The following FARP2 variants were observed in gnomAD, a reference collection of about 807,000 sequenced individuals.
FARP2 encodes the protein FERM, ARHGEF and pleckstrin domain-containing protein 2.
A neutral mutation model predicts 130.5 loss-of-function variants in FARP2; 111 were observed. The ratio of observed to expected loss-of-function variants is 0.85; its 90% CI spans 0.73 to 1.00. The LOEUF is 1.00. Ranked by LOEUF, FARP2 falls within the 50% of genes least tolerant of loss-of-function variation. The pLI is 0.00. For synonymous variants in FARP2, 504 were observed against 516.9 expected (o/e 0.98, Z 0.34); for missense variants, 1,385 against 1,346.3 (o/e 1.03, Z -0.45).
Position 241,403,932 on chromosome 2 carries a change from G to T in FARP2, c.288G>T (p.Trp96Cys), listed in dbSNP as rs751321156. Residue 96 changes from tryptophan to cysteine, a missense_variant and splice_region_variant, in exon 3 of 27, where the codon TGG becomes TGT. Transcript: ENST00000264042. ...GMEFQNTQSY[W>C]IWLEPMKPII... ...AGTTTCAAAATACTCAGTCCTACTG[G>T]GTAAGTGCTTATGACGTGCCCAGGC... The T allele has an allele frequency of 6.4e-7, 1 of 1,574,586 alleles. No individual in the cohort carries two copies. The highest frequency in any genetic ancestry group is 1.7e-5 in the Admixed American group (1 of 59,922).
At chr2:241,470,169 A>G (rs909269209) in intron 18 of FARP2, among the ~76,000 whole-genome samples, 3 of 152,262 alleles carry the variant, frequency 2.0e-5, no homozygotes, top group Non-Finnish European at 4.4e-5. Context: ...GAGAACTTGA[A>G]TAGAATTCTC....
At chr2:241,408,541 C>CAAAA (rs11292791) in intron 5 of FARP2, among the ~76,000 whole-genome samples, 1 of 137,546 alleles carries the variant, frequency 7.3e-6, no homozygotes, top group Non-Finnish European at 1.6e-5. Context: ...AACTCTGTCT[C>CAAAA]AAAAAAAAAA....
At chr2:241,465,666 CCT>C in intron 17 of FARP2, 1 of 1,550,910 alleles carries the variant, frequency 6.4e-7, no homozygotes, top group South Asian at 1.2e-5. Context: ...GTTCTCCCTC[CCT>C]CTCAGGCTGC....
At chr2:241,408,529 G>T (rs1432936332) in intron 5 of FARP2, among the ~76,000 whole-genome samples, 1 of 134,720 alleles carries the variant, frequency 7.4e-6, no homozygotes, top group African/African-American at 2.8e-5. Context: ...CAACAAGAGC[G>T]AAACTCTGTC....
chr2:241,458,313 G>T (rs953053032), intron 14 of FARP2, among the ~76,000 whole-genome samples: 2 of 152,142 alleles, frequency 1.3e-5, no homozygotes, highest in African/African-American at 4.8e-5. Flanking sequence ...GGTACAGGGG[G>T]AGGTATGTCA....
At chr2:241,491,202 C>A in intron 23 of FARP2, 23 bp downstream of exon 23, 3 of 1,540,230 alleles carry the variant, frequency 1.9e-6, no homozygotes, top group African/African-American at 2.7e-5. Flanking sequence ...CACAACCCCC[C>A]AGGAGACCTC....
intron 2 of FARP2, among the ~76,000 whole-genome samples, chr2:241,400,721 G>A (rs905130289): frequency 7.2e-5 from 11 of 152,144 alleles, no homozygotes; most frequent in African/African-American, 2.7e-4. Flanking sequence ...GTTGTATGTA[G>A]CCTCCCCACC....
At position 241,482,453 on chromosome 2, in the gene FARP2, C is replaced by T. The variant is rs888578195; in HGVS notation, c.2263-1012C>T. ...TGCCAGCAGCTCACAGGGACCTCGG[C>T]GTGCGGTCTCCAGGGCTCCCTGTCA... On this transcript the variant is annotated intron_variant, in intron 19 of 26. Transcript: ENST00000264042. The surrounding 1 kb of genome is among the most constrained non-coding windows in gnomAD (Gnocchi z 4.6). Among the ~76,000 whole-genome samples the T allele has an allele frequency of 2.0e-5, 3 of 152,154 alleles. No individual in the cohort carries two copies. The highest frequency in any genetic ancestry group is 4.4e-5 in the Non-Finnish European group (3 of 68,024).
chr2:241,430,428 T>C (rs1460851743), intron 8 of FARP2, among the ~76,000 whole-genome samples: 1 of 152,180 alleles, frequency 6.6e-6, no homozygotes, highest in Non-Finnish European at 1.5e-5. Context: ...CTTCTGGCCC[T>C]CTCAACAGAC....
At chr2:241,474,896 C>T (rs1306300083) in intron 18 of FARP2, among the ~76,000 whole-genome samples, 1 of 151,832 alleles carries the variant, frequency 6.6e-6, no homozygotes, top group Non-Finnish European at 1.5e-5. Context: ...GGATGCAGAC[C>T]CTGTGCTCCA....
chr2:241,399,540 C>T (rs2062112951), intron 2 of FARP2, among the ~76,000 whole-genome samples: 1 of 152,156 alleles, frequency 6.6e-6, no homozygotes, highest in Non-Finnish European at 1.5e-5. Flanking sequence ...AAACTCCTGA[C>T]CTCACATGAT....
At chr2:241,487,682 A>C (rs1275168071) in intron 21 of FARP2, among the ~76,000 whole-genome samples, 4 of 144,428 alleles carry the variant, frequency 2.8e-5, no homozygotes, top group African/African-American at 1.0e-4. Context: ...AAAAAAAAAG[A>C]AAGAAAAGAA....
chr2:241,359,289 C>G (rs770224163), intron 1 of FARP2, among the ~76,000 whole-genome samples: 2 of 152,138 alleles, frequency 1.3e-5, no homozygotes, highest in African/African-American at 4.8e-5. Flanking sequence ...CAAAAAGGCC[C>G]TATAATGTTG....
intron 2 of FARP2, among the ~76,000 whole-genome samples, chr2:241,392,649 G>C (rs2061934598): frequency 6.6e-6 from 1 of 152,122 alleles, no homozygotes; most frequent in Non-Finnish European, 1.5e-5. Context: ...CTTAGAAGCA[G>C]AAGTAGCAGT....
At chr2:241,361,008 G>A (rs769932135) in intron 1 of FARP2, among the ~76,000 whole-genome samples, 11 of 146,550 alleles carry the variant, frequency 7.5e-5, no homozygotes, top group Non-Finnish European at 1.3e-4. Context: ...ATCCTGTTTC[G>A]CACAATTCCA....
intron 14 of FARP2, among the ~76,000 whole-genome samples, chr2:241,460,756 A>C (rs575651867): frequency 1.3e-3 from 198 of 152,350 alleles, no homozygotes; most frequent in Non-Finnish European, 2.4e-3. Context: ...CCAGTGCACC[A>C]AGAGGTGGGG....
At chr2:241,416,966 A>G (rs2062689652) in intron 7 of FARP2, among the ~76,000 whole-genome samples, 2 of 151,920 alleles carry the variant, frequency 1.3e-5, no homozygotes, top group Non-Finnish European at 2.9e-5. Context: ...ACGGGTTTAT[A>G]AGACACAAGT....
chr2:241,365,838 C>CT lies in FARP2; in HGVS notation c.-24-7243dup, dbSNP rs1388785642. ...TTTCTAAAATATTGATTTAATTTTGCTTTCTAATTATGTGAAACCATTTAT... is the reference window on the plus strand; with the variant it reads ...TTTCTAAAATATTGATTTAATTTTGCTTTTCTAATTATGTGAAACCATTTAT... On this transcript the variant is annotated intron_variant, in intron 1 of 26. Coordinates refer to ENST00000264042, the MANE Select transcript of FARP2 (RefSeq NM_014808.4). 1.3e-4 allele frequency among the ~76,000 whole-genome samples: 19 copies of CT among 151,854 alleles called. No homozygotes were observed. The East Asian group carries it at 3.7e-3, about 29-fold the overall frequency.
intron 18 of FARP2, among the ~76,000 whole-genome samples, chr2:241,468,990 C>T (rs970576661): frequency 5.9e-5 from 9 of 152,270 alleles, no homozygotes; most frequent in Non-Finnish European, 1.0e-4. Context: ...GGGAACATTG[C>T]TCTAATGGGG....
Sources: gnomAD v4.1 joint callset for allele counts (sites outside exome capture counted in the v4.1 genomes callset) on GRCh38, gnomAD v4.1.1 for gene constraint, Gnocchi (gnomAD v3.1) non-coding constraint, MANE v1.5 for transcripts, NCBI Gene and HGNC (gene_info 2026-07-23, HGNC 2026-07-21) for gene names.